The following NOTCH4 variants were observed in gnomAD, a reference collection of about 807,000 sequenced individuals.
NOTCH4 encodes neurogenic locus notch homolog protein 4.
In NOTCH4, 138 loss-of-function variants were observed where a neutral mutation model predicts 189.0. That is an observed-to-expected ratio of 0.73 (90% CI 0.64 to 0.84). The LOEUF (loss-of-function observed/expected upper bound fraction) is 0.84, where lower values mean the gene tolerates loss of function less well. Among genes scored for constraint, NOTCH4 ranks in the 40% least tolerant of loss-of-function variants. NOTCH4 has a pLI of 0.00. For missense variants in NOTCH4, 2,286 were observed against 2,605.4 expected, an observed-to-expected ratio of 0.88 and a Z score of 2.67; for synonymous variants, 942 against 1,032.8, an observed-to-expected ratio of 0.91 and a Z score of 1.69.
rs934562403 is a variant in NOTCH4, at chr6:32,221,775, T to C, written c.452-450A>G. 6.6e-6 allele frequency among the ~76,000 whole-genome samples: 1 copy of C among 152,134 alleles called. No individual in the cohort carries two copies. Among genetic ancestry groups the C allele is most frequent in the Admixed American group, 6.5e-5 (1 of 15,272 alleles). ...CTTCACAGTCCATGTGCACCAGTGG[T>C]AATGGCGGCAGCAGTGGAGGTGCCA... On this transcript the variant is annotated intron_variant, in intron 3 of 29. Coordinates refer to ENST00000375023, the MANE Select transcript of NOTCH4 (RefSeq NM_004557.4). This position sits in a 1 kb window ranked among gnomAD's most constrained non-coding sequence, Gnocchi z 4.3.
chr6:32,220,390 C>A lies in NOTCH4; in HGVS notation c.1159+15G>T, dbSNP rs113908461. 3.4e-5 allele frequency: 55 copies of A among 1,613,644 alleles called. No homozygotes were observed. Among genetic ancestry groups the A allele is most frequent in the Non-Finnish European group, 4.2e-5 (49 of 1,179,686 alleles). On this transcript the variant is annotated intron_variant, in intron 6 of 29. Transcript: ENST00000375023. ...TTCTCTACCTCCCACCTCCTGATAC[C>A]CTCTACCCCCATACCTGTGCGTCCA...
chr6:32,204,267 T>C lies in NOTCH4; in HGVS notation c.2988A>G (p.Pro996=). The C allele has an allele frequency of 6.2e-7, 1 of 1,613,044 alleles. No homozygotes were observed. The highest frequency in any genetic ancestry group is 8.5e-7 in the Non-Finnish European group (1 of 1,180,026). ...KPGGFHCACP[P]GFVGLRCEGD... ...CCTCACAGCGTAGCCCCACAAAGCC[T>C]GGAGGGCAGGCACAGTGGAATCCTC... is the stretch of plus-strand genomic sequence containing the variant. Residue 996 remains proline (P), a synonymous_variant, in exon 19 of 30, where the codon CCA becomes CCG. Transcript: ENST00000375023.
At position 32,201,030 on chromosome 6, in the gene NOTCH4, C is replaced by A; in HGVS notation, c.4140-24G>T. ...ACCTGTAGAGGAGGCACCTCAGAGA[C>A]CTCTGTATTGGTCCCTGGCTCCCTT... On this transcript the variant is annotated intron_variant, in intron 22 of 29. Transcript: ENST00000375023. This position sits in a 1 kb window ranked among gnomAD's most constrained non-coding sequence, Gnocchi z 5.5. The A allele has an allele frequency of 1.3e-6, 2 of 1,560,452 alleles. No individual in the cohort carries two copies. Among genetic ancestry groups the A allele is most frequent in the South Asian group, 1.2e-5 (1 of 81,386 alleles).
rs557096152 is a variant in NOTCH4 at position 32,223,818 on chromosome 6, G to C, written c.73+38C>G. On this transcript the variant is annotated intron_variant, in intron 1 of 29. Coordinates refer to ENST00000375023, the MANE Select transcript of NOTCH4 (RefSeq NM_004557.4). ...CACCCCACTGATCATCCTCCTAAGG[G>C]AGCTGGGTCCCCTCACCTCACCCAC... 4.4e-6 allele frequency: 7 copies of C among 1,593,104 alleles called. No individual in the cohort carries two copies. The South Asian group carries it at 7.8e-5, about 18-fold the overall frequency.
At chr6:32,220,688 TGAGTAGGGGAG>T (rs1789705307) in intron 5 of NOTCH4, 47 bp from the exon 6 acceptor site, 1 of 1,611,642 alleles carries the variant, frequency 6.2e-7, no homozygotes, top group Non-Finnish European at 8.5e-7. Flanking sequence ...GGGAGCCCTA[TGAGTAGGGGAG>T]GCCAGGGGCC....
chr6:32,197,012 A>G lies in NOTCH4; in HGVS notation c.5113T>C (p.Leu1705=). The G allele has an allele frequency of 6.2e-7, 1 of 1,612,908 alleles. No homozygotes were observed. Among genetic ancestry groups the G allele is most frequent in the Non-Finnish European group, 8.5e-7 (1 of 1,180,006 alleles). ...DARTEDGTTP[L]MLAARLAVED... Reference sequence around the variant, plus strand: ...ACCGCCAGCCTGGCAGCCAGCATCAAGGGTGTGGTCCCGTCCTCTGTGCGA... The same window carrying G: ...ACCGCCAGCCTGGCAGCCAGCATCAGGGGTGTGGTCCCGTCCTCTGTGCGA... The change falls in exon 28 of 30, where the codon TTG becomes CTG. Residue 1705 remains leucine, a synonymous_variant. Coordinates refer to ENST00000375023, the MANE Select transcript of NOTCH4 (RefSeq NM_004557.4).
rs777430318 is a variant in NOTCH4, at chr6:32,196,023, T to C, written c.5426A>G (p.Gln1809Arg). 7 of 1,597,998 alleles carry C rather than the reference T, an allele frequency of 4.4e-6. No individual in the cohort carries two copies. Among genetic ancestry groups the C allele is most frequent in the Non-Finnish European group, 5.9e-6 (7 of 1,178,516 alleles). ...CGTCAGCAGATCCCAGTGGTTACGT[T>C]GGTGAGCGACGTCCGCCGGCGCTAG... ...AGLAPADVAH[Q>R]RNHWDLLTLL... is the part of the protein sequence containing the mutation. The change falls in exon 30 of 30, where the codon CAA becomes CGA. Residue 1809 changes from glutamine to arginine, a missense_variant. Coordinates refer to ENST00000375023, the MANE Select transcript of NOTCH4 (RefSeq NM_004557.4).
chr6:32,221,317 AC>A lies in NOTCH4; in HGVS notation c.459del (p.Gln153HisfsTer99). 1 of 1,611,828 alleles carries A rather than the reference AC, an allele frequency of 6.2e-7. No individual in the cohort carries two copies. The highest frequency in any genetic ancestry group is 8.5e-7 in the Non-Finnish European group (1 of 1,179,312). ...CSCMPGWTGE[Q>X]CQLRDFCSAN... ...GCTGAACAGAAGTCCCGAAGCTGGC[AC>A]TGCTCACCTGAGGCAGAGGACAGAG... On this transcript the variant is annotated frameshift_variant, in exon 4 of 30. Transcript: ENST00000375023. LOFTEE classifies it high-confidence loss of function. The surrounding 1 kb of genome is among the most constrained non-coding windows in gnomAD (Gnocchi z 4.3).
At position 32,218,094 on chromosome 6, in the gene NOTCH4, G is replaced by A. The variant is rs2127484282; in HGVS notation, c.1525C>T (p.Leu509Phe). The A allele has an allele frequency of 1.2e-6, 2 of 1,611,654 alleles. No individual in the cohort carries two copies. Among genetic ancestry groups the A allele is most frequent in the Non-Finnish European group, 1.7e-6 (2 of 1,178,358 alleles). ...CACTCGTTGGTCTCCACCTCACAGA[G>A]CTGCCCTTCTAAGCCTGGGGACATG... Reference protein sequence around the residue: ...CLCPPGLEGQLCEVETNECAS... With the variant: ...CLCPPGLEGQFCEVETNECAS... Residue 509 changes from leucine to phenylalanine, a missense_variant, in exon 9 of 30, where the codon CTC (leucine) becomes TTC (phenylalanine). Around this residue, in one of 2 missense-constraint regions of NOTCH4, gnomAD observed 1,903 missense variants for 2,261.9 expected, o/e 0.84. Coordinates refer to ENST00000375023, the MANE Select transcript of NOTCH4 (RefSeq NM_004557.4).
chr6:32,218,197 C>T (rs1025636858), intron 8 of NOTCH4, 89 bp from the exon 9 acceptor site: 1 of 820,158 alleles, frequency 1.2e-6, no homozygotes, highest in Non-Finnish European at 2.0e-6. Flanking sequence ...CCTGACTTGC[C>T]CCACTCAGGC....
Position 32,213,097 on chromosome 6 carries a change from G to A in NOTCH4, c.2438+38C>T, listed in dbSNP as rs1180670037. 3 of 1,486,006 alleles carry A rather than the reference G, an allele frequency of 2.0e-6. No individual in the cohort carries two copies. The African/African-American group carries it at 4.1e-5, about 21-fold the overall frequency. 92.1% of individuals were successfully genotyped at this position (1,486,006 alleles called of 1,614,324 possible). A position where few individuals can be genotyped will look rare whatever the true frequency, so the allele number is the denominator to read the frequency against. On this transcript the variant is annotated intron_variant, in intron 15 of 29. Coordinates refer to ENST00000375023, the MANE Select transcript of NOTCH4 (RefSeq NM_004557.4). The stretch of plus-strand genomic sequence containing the variant: ...GAGAGGAGGGGTGGGAAGGCTGAGG[G>A]GTTTTCTCCCTTCTAGGGGTCTTTG...
At chr6:32,215,023 A>G (rs556146204) in intron 12 of NOTCH4, among the ~76,000 whole-genome samples, 1 of 152,094 alleles carries the variant, frequency 6.6e-6, no homozygotes, top group African/African-American at 2.4e-5. Flanking sequence ...CTCTGTTTCC[A>G]CCAGTTTTTG....
chr6:32,212,718 C>G lies in NOTCH4; in HGVS notation c.2527-91G>C. 2.0e-6 allele frequency: 3 copies of G among 1,506,486 alleles called. No individual in the cohort carries two copies. The East Asian group carries it at 6.9e-5, about 35-fold the overall frequency. 93.3% of individuals were successfully genotyped at this position (1,506,486 alleles called of 1,614,324 possible). On this transcript the variant is annotated intron_variant, in intron 16 of 29. Coordinates refer to ENST00000375023, the MANE Select transcript of NOTCH4 (RefSeq NM_004557.4). The surrounding 1 kb of genome is among the most constrained non-coding windows in gnomAD (Gnocchi z 4.4). ...TGCCCACTCCAGCTCCTCGAAATCC[C>G]TTACTTCAAAAACCTTCTCCTGAAT... is the stretch of plus-strand genomic sequence containing the variant.
Position 32,202,670 on chromosome 6 carries a change from T to G in NOTCH4, c.3232-71A>C. 124 of 1,417,202 alleles carry G rather than the reference T, an allele frequency of 8.7e-5. No homozygotes were observed. Among genetic ancestry groups the G allele is most frequent in the Non-Finnish European group, 1.0e-4 (111 of 1,064,376 alleles). The allele number at this position is 1,417,202 out of a possible 1,614,324, so 87.8% of individuals were successfully genotyped here. ...TTCCCGCTCTCCATCAAGCAAACTCTTGGGTTAAGACGGTGCAGAGGGTCC... is the reference window on the plus strand; with the variant it reads ...TTCCCGCTCTCCATCAAGCAAACTCGTGGGTTAAGACGGTGCAGAGGGTCC... On this transcript the variant is annotated intron_variant, in intron 20 of 29. Coordinates refer to ENST00000375023, the MANE Select transcript of NOTCH4 (RefSeq NM_004557.4). The surrounding 1 kb of genome is among the most constrained non-coding windows in gnomAD (Gnocchi z 5.7).
chr6:32,209,551 C>A (rs896353376), intron 18 of NOTCH4, among the ~76,000 whole-genome samples: 7 of 152,122 alleles, frequency 4.6e-5, no homozygotes, highest in African/African-American at 1.7e-4. Context: ...ATCCCAATTA[C>A]CCTGATTTGA....
Position 32,202,151 on chromosome 6 carries a change from C to G in NOTCH4, c.3680G>C (p.Gly1227Ala). The G allele has an allele frequency of 6.6e-7, 1 of 1,518,344 alleles. No individual in the cohort carries two copies. The allele number at this position is 1,518,344 out of a possible 1,614,324, so 94.1% of individuals were successfully genotyped here. Residue 1227 changes from glycine (G) to alanine (A), a missense_variant, in exon 21 of 30, where the codon GGG becomes GCG. By Grantham distance (60) the Gly-to-Ala change is moderately conservative. Coordinates refer to ENST00000375023, the MANE Select transcript of NOTCH4 (RefSeq NM_004557.4). This position sits in a 1 kb window ranked among gnomAD's most constrained non-coding sequence, Gnocchi z 5.7. ...AGAGTCACACTGTGGGTGGCACTGC[C>G]CGTCCCGGAAGAGAAGCCAGCACCG... ...HSRCWLLFRD[G>A]QCHPQCDSEE...
chr6:32,222,528 C>T lies in NOTCH4; in HGVS notation c.434G>A (p.Cys145Tyr), dbSNP rs373215922. 1 of 1,545,200 alleles carries T rather than the reference C, an allele frequency of 6.5e-7. No homozygotes were observed. The highest frequency in any genetic ancestry group is 1.4e-5 in the African/African-American group (1 of 72,180). Residue 145 changes from cysteine (C) to tyrosine (Y), a missense_variant, in exon 3 of 30, where the codon TGC becomes TAC. Cys to Tyr is a radical substitution (Grantham distance 194). Transcript: ENST00000375023. The stretch of plus-strand genomic sequence containing the variant: ...GCGCTTACCTGTCCATCCAGGCATG[C>T]AGGAGCACTGTGGGCGGCCCGAGGC... Reference protein sequence around the residue: ...IQASGRPQCSCMPGWTGEQCQ... With the variant: ...IQASGRPQCSYMPGWTGEQCQ...
rs776610037 is a variant in NOTCH4 at position 32,215,250 on chromosome 6, G to A, written c.1997C>T (p.Thr666Ile). 10 of 1,604,394 alleles carry A rather than the reference G, an allele frequency of 6.2e-6. No individual in the cohort carries two copies. In the South Asian group the frequency reaches 1.0e-4, roughly 16 times the overall value. Residue 666 changes from threonine to isoleucine, a missense_variant, in exon 12 of 30, where the codon ACC becomes ATC. Thr to Ile is a moderately conservative substitution (Grantham distance 89, BLOSUM62 -1). Coordinates refer to ENST00000375023, the MANE Select transcript of NOTCH4 (RefSeq NM_004557.4). Reference sequence around the variant, plus strand: ...CCTCTGGCAGTGCCCGTGGTGGCAGGTGCAGTTGTCCTCAGGTGGGGCACA... The same window carrying A: ...CCTCTGGCAGTGCCCGTGGTGGCAGATGCAGTTGTCCTCAGGTGGGGCACA... ...PGCAPPEDNC[T>I]CHHGHCQRSS...
Position 32,197,090 on chromosome 6 carries a change from C to T in NOTCH4, c.5053-18G>A. 1 of 1,611,382 alleles carries T rather than the reference C, an allele frequency of 6.2e-7. No homozygotes were observed. The highest frequency in any genetic ancestry group is 8.5e-7 in the Non-Finnish European group (1 of 1,179,752). On this transcript the variant is annotated intron_variant, in intron 27 of 29. Transcript: ENST00000375023. Reference sequence around the variant, plus strand: ...AGCAGAAGCTGGGGAGACAGAGGGCCAGTGACCCCTGGGGTACCTTGGACT... The same window carrying T: ...AGCAGAAGCTGGGGAGACAGAGGGCTAGTGACCCCTGGGGTACCTTGGACT...
Sources: allele counts gnomAD v4.1 joint callset (sites outside exome capture counted in the v4.1 genomes callset), GRCh38; gene constraint gnomAD v4.1.1; regional missense constraint gnomAD v4.1.1; non-coding constraint Gnocchi (gnomAD v3.1); transcripts MANE v1.5; gene names NCBI Gene and HGNC (gene_info 2026-07-23, HGNC 2026-07-21).